POU2AF3: variants seen among roughly 807,000 people sequenced by gnomAD.
POU2AF3 encodes the protein cancer susceptibility candidate 13.
the POU2AF3 span, chr11:111,299,882 C>G: frequency 2.0e-6 from 1 of 502,812 alleles, no homozygotes; most frequent in South Asian, 1.0e-4. Flanking sequence ...GGCCTGGCCC[C>G]TTTACTAGGT....
chr11:111,299,493 CTCAGGGG>C, the POU2AF3 span: 1 of 1,127,420 alleles, frequency 8.9e-7, no homozygotes, highest in Admixed American at 4.9e-5. Context: ...GCTCCCAGCG[CTCAGGGG>C]TCCCTCCCAG....
chr11:111,306,763 T>A, the POU2AF3 span: 2 of 689,234 alleles, frequency 2.9e-6, no homozygotes. Context: ...CAGAGAAGAA[T>A]TTAAAAGTCA....
chr11:111,308,070 T>A, the POU2AF3 span: 1 of 1,494,296 alleles, frequency 6.7e-7, no homozygotes, highest in Non-Finnish European at 8.9e-7. Flanking sequence ...TTTCTCTAGA[T>A]CCCAGGATCA....
At chr11:111,298,655 C>T in the POU2AF3 span, 32 of 1,230,522 alleles carry the variant, frequency 2.6e-5, no homozygotes, top group Non-Finnish European at 3.3e-5. Context: ...GGGTGTGTTT[C>T]CACGGCTTTT....
chr11:111,308,283 G>T, the POU2AF3 span: 1 of 1,551,728 alleles, frequency 6.4e-7, no homozygotes, highest in Non-Finnish European at 8.7e-7. Flanking sequence ...ACCTCCATCT[G>T]CTACTGCGCA....
chr11:111,301,571 G>A, the POU2AF3 span, among the ~76,000 whole-genome samples: 1 of 152,134 alleles, frequency 6.6e-6, no homozygotes, highest in Non-Finnish European at 1.5e-5. Flanking sequence ...GAAATGGGAG[G>A]GGGCAAATGA....
chr11:111,307,810 T>C, the POU2AF3 span, among the ~76,000 whole-genome samples: 1 of 152,176 alleles, frequency 6.6e-6, no homozygotes, highest in Admixed American at 6.5e-5. Context: ...CCCTCTAAAG[T>C]AGGATTATAA....
At chr11:111,304,216 T>C in the POU2AF3 span, among the ~76,000 whole-genome samples, 6 of 152,192 alleles carry the variant, frequency 3.9e-5, no homozygotes. Flanking sequence ...AAATTAAGAA[T>C]TGTGTTCTTT....
At chr11:111,308,668 G>A in the POU2AF3 span, 1 of 360,206 alleles carries the variant, frequency 2.8e-6, no homozygotes, top group East Asian at 4.3e-5. Flanking sequence ...ACTTTCAATT[G>A]TTTTACTTTT....
the POU2AF3 span, chr11:111,299,931 G>C: frequency 2.4e-6 from 1 of 414,606 alleles, no homozygotes; most frequent in South Asian, 1.2e-4. Flanking sequence ...GACGGGGCTG[G>C]CCAAACCTCA....
chr11:111,298,826 G>GCCGGGGGCC, the POU2AF3 span: 2 of 790,958 alleles, frequency 2.5e-6, no homozygotes, highest in Non-Finnish European at 3.4e-6. Context: ...CGTACCCCAG[G>GCCGGGGGCC]CCCCCGCCCG....
the POU2AF3 span, chr11:111,299,805 G>C: frequency 9.6e-7 from 1 of 1,046,840 alleles, no homozygotes; most frequent in African/African-American, 1.6e-5. Context: ...GGAAAAGGCG[G>C]AGAAAAGGGA....
At chr11:111,308,456 A>G in the POU2AF3 span, 1 of 1,528,350 alleles carries the variant, frequency 6.5e-7, no homozygotes, top group Non-Finnish European at 8.8e-7. Flanking sequence ...ACAGTAATTC[A>G]GAACATGGCA....
the POU2AF3 span, among the ~76,000 whole-genome samples, chr11:111,304,664 TAC>T: frequency 2.0e-5 from 3 of 152,210 alleles, no homozygotes; most frequent in African/African-American, 7.2e-5. Flanking sequence ...ACGGACTTAA[TAC>T]ACCTACCGCA....
chr11:111,308,050 T>A, the POU2AF3 span: 1 of 1,474,444 alleles, frequency 6.8e-7, no homozygotes, highest in Non-Finnish European at 9.0e-7. Flanking sequence ...TCTTTGTTTC[T>A]TGGTTGTCAT....
chr11:111,305,217 G>A, the POU2AF3 span, among the ~76,000 whole-genome samples: 1 of 152,152 alleles, frequency 6.6e-6, no homozygotes. Flanking sequence ...TCAAGAGTTT[G>A]TTCTTCACAT....
the POU2AF3 span, among the ~76,000 whole-genome samples, chr11:111,305,538 G>A: frequency 6.6e-6 from 1 of 152,166 alleles, no homozygotes; most frequent in Non-Finnish European, 1.5e-5. Flanking sequence ...GGAAACCTCT[G>A]CCTATGGCCT....
chr11:111,307,954 G>A, the POU2AF3 span: 1 of 993,900 alleles, frequency 1.0e-6, no homozygotes, highest in Non-Finnish European at 1.4e-6. Flanking sequence ...TGTTTCGTTT[G>A]ATTTGGTTTT....
the POU2AF3 span, chr11:111,298,743 G>A: frequency 9.1e-7 from 1 of 1,103,202 alleles, no homozygotes. Flanking sequence ...GAGCCACGCT[G>A]TGGCCGCTCC....
Sources: allele counts gnomAD v4.1 joint callset (sites outside exome capture counted in the v4.1 genomes callset), GRCh38; gene constraint gnomAD v4.1.1; transcripts MANE v1.5; gene names NCBI Gene and HGNC (gene_info 2026-07-23, HGNC 2026-07-21).